The following NRXN1 variants were observed in gnomAD, a reference collection of about 807,000 sequenced individuals.
NRXN1 encodes the protein neurexin-1.
NRXN1 carries 39 observed loss-of-function variants against 150.9 expected under a neutral mutation model. The observed-to-expected ratio is 0.26, with a 90% CI of 0.20 to 0.34. The LOEUF is 0.34. NRXN1 is among the 10% of genes least tolerant of loss of function. The probability of loss-of-function intolerance (pLI) is 1.00; values close to 1 mark genes in which losing one functional copy is unlikely to be tolerated. For missense variants in NRXN1, 1,815 were observed against 1,949.9 expected (o/e 0.93, Z 1.30); for synonymous variants, 924 against 757.0 (o/e 1.22, Z -3.62).
intron 17 of NRXN1, among the ~76,000 whole-genome samples, chr2:50,333,193 G>T (rs769007087): frequency 6.6e-6 from 1 of 152,052 alleles, no homozygotes; most frequent in Non-Finnish European, 1.5e-5. Flanking sequence ...CCCTACGTGG[G>T]TGGCAATAGC....
intron 18 of NRXN1, chr2:50,105,109 G>T (rs932183379): frequency 2.0e-5 from 3 of 152,002 alleles, no homozygotes; most frequent in Admixed American, 2.0e-4. Context: ...TACTCCTTCT[G>T]CAGAGTCTTC....
intron 8 of NRXN1, among the ~76,000 whole-genome samples, chr2:50,595,744 A>T (rs1381555368): frequency 1.3e-5 from 2 of 152,202 alleles, no homozygotes; most frequent in African/African-American, 4.8e-5. Context: ...TAAGTCTCTC[A>T]GGTGTTTTTT....
intron 19 of NRXN1, among the ~76,000 whole-genome samples, chr2:50,074,218 G>A (rs1369567790): frequency 1.3e-5 from 2 of 151,878 alleles, no homozygotes; most frequent in Admixed American, 6.6e-5. Context: ...CTATAATTTA[G>A]GTAAAATTAT....
intron 17 of NRXN1, among the ~76,000 whole-genome samples, chr2:50,292,343 GACAGAGACTTATC>G (rs1204343611): frequency 1.3e-5 from 2 of 152,136 alleles, no homozygotes; most frequent in African/African-American, 4.8e-5. Context: ...GAGGGGTTAT[GACAGAGACTTATC>G]ACCCCAAATC....
intron 5 of NRXN1, among the ~76,000 whole-genome samples, chr2:50,760,486 G>C (rs1375933217): frequency 6.6e-6 from 1 of 151,764 alleles, no homozygotes; most frequent in Non-Finnish European, 1.5e-5. Flanking sequence ...CCTGCAATGA[G>C]GGGAACCATC....
chr2:50,569,282 A>G (rs1011924410), intron 8 of NRXN1, among the ~76,000 whole-genome samples: 1 of 152,140 alleles, frequency 6.6e-6, no homozygotes, highest in Admixed American at 6.6e-5. Context: ...TAAAATAACT[A>G]AAAGAGTGTA....
intron 18 of NRXN1, among the ~76,000 whole-genome samples, chr2:50,209,331 C>G (rs903249794): frequency 5.9e-5 from 9 of 152,218 alleles, no homozygotes; most frequent in Admixed American, 5.9e-4. Context: ...AAGGCATTAA[C>G]ATAAAATAAT....
intron 17 of NRXN1, among the ~76,000 whole-genome samples, chr2:50,386,800 T>C (rs753464415): frequency 6.6e-6 from 1 of 152,176 alleles, no homozygotes; most frequent in South Asian, 2.1e-4. Context: ...ACTGAATTGG[T>C]GGCCTTGAGC....
chr2:50,461,073 C>A (rs1484943306), intron 17 of NRXN1, among the ~76,000 whole-genome samples: 2 of 152,022 alleles, frequency 1.3e-5, no homozygotes, highest in Admixed American at 6.6e-5. Context: ...TGCTCAGACA[C>A]TGGATATTGG....
chr2:50,675,380 TAGAC>T (rs890753319), intron 5 of NRXN1, among the ~76,000 whole-genome samples: 4 of 152,126 alleles, frequency 2.6e-5, no homozygotes, highest in East Asian at 1.9e-4. Flanking sequence ...AATAGAAACA[TAGAC>T]AGATTTCGAG....
chr2:50,780,342 T>G (rs1704207449), intron 5 of NRXN1, among the ~76,000 whole-genome samples: 1 of 152,184 alleles, frequency 6.6e-6, no homozygotes, highest in African/African-American at 2.4e-5. Context: ...TTTGAATAAC[T>G]TTTCATGACA....
chr2:50,365,204 T>C (rs1361467683), intron 17 of NRXN1, among the ~76,000 whole-genome samples: 1 of 152,070 alleles, frequency 6.6e-6, no homozygotes, highest in African/African-American at 2.4e-5. Context: ...TATGTAAATT[T>C]CAGCAAATGT....
intron 11 of NRXN1, among the ~76,000 whole-genome samples, chr2:50,530,751 A>G (rs2093078447): frequency 6.6e-6 from 1 of 152,210 alleles, no homozygotes; most frequent in South Asian, 2.1e-4. Flanking sequence ...CACAAAGGTG[A>G]TTATTCAAAG....
chr2:50,818,746 G>T (rs979122246), intron 5 of NRXN1, among the ~76,000 whole-genome samples: 4 of 152,016 alleles, frequency 2.6e-5, no homozygotes, highest in African/African-American at 4.8e-5. Flanking sequence ...TGGAATGAGA[G>T]AAAATATATG....
chr2:50,133,514 C>A (rs1329642991), intron 18 of NRXN1, among the ~76,000 whole-genome samples: 3 of 152,132 alleles, frequency 2.0e-5, no homozygotes, highest in African/African-American at 7.2e-5. Flanking sequence ...ACAGACTCTT[C>A]TTTAGGTCCA....
intron 12 of NRXN1, among the ~76,000 whole-genome samples, chr2:50,520,736 T>C (rs2092764165): frequency 6.6e-6 from 1 of 152,014 alleles, no homozygotes; most frequent in Non-Finnish European, 1.5e-5. Context: ...TTAAACAGAA[T>C]TTATTTTATG....
intron 12 of NRXN1, among the ~76,000 whole-genome samples, chr2:50,507,480 G>A (rs999323220): frequency 6.6e-6 from 1 of 151,980 alleles, no homozygotes; most frequent in Middle Eastern, 3.2e-3. Flanking sequence ...AGTGGGCATC[G>A]AGTGGGCAAG....
At chr2:51,019,333 T>A (rs1014587383) in intron 2 of NRXN1, among the ~76,000 whole-genome samples, 1 of 152,234 alleles carries the variant, frequency 6.6e-6, no homozygotes, top group Admixed American at 6.6e-5. Flanking sequence ...TAAGACTATA[T>A]AAGATAAGGT....
At chr2:51,014,366 T>C (rs1668347001) in intron 2 of NRXN1, among the ~76,000 whole-genome samples, 1 of 152,036 alleles carries the variant, frequency 6.6e-6, no homozygotes. Context: ...TAAAGATAAT[T>C]GAAGAGGATG....
Sources: gnomAD v4.1 joint callset for allele counts (sites outside exome capture counted in the v4.1 genomes callset) on GRCh38, gnomAD v4.1.1 for gene constraint, MANE v1.5 for transcripts, NCBI Gene and HGNC (gene_info 2026-07-23, HGNC 2026-07-21) for gene names.